SGK1: variants seen among roughly 807,000 people sequenced by gnomAD.
SGK1 encodes the protein serine/threonine-protein kinase Sgk1.
Under a neutral mutation model 64.2 loss-of-function variants are expected in SGK1, and 26 were observed. The observed-to-expected ratio is 0.40, with a 90% CI of 0.30 to 0.56. The LOEUF (loss-of-function observed/expected upper bound fraction) is 0.56, where lower values mean the gene tolerates loss of function less well. SGK1 is among the 20% of genes least tolerant of loss of function. The probability of loss-of-function intolerance (pLI) is 0.38; values close to 1 mark genes in which losing one functional copy is unlikely to be tolerated. For synonymous variants in SGK1, 265 were observed against 239.7 expected (o/e 1.11, Z -0.98); for missense variants, 519 against 645.6 (o/e 0.80, Z 2.12).
intron 1 of SGK1, among the ~76,000 whole-genome samples, chr6:134,286,607 C>G (rs1016640416): frequency 6.6e-6 from 1 of 151,214 alleles, no homozygotes; most frequent in Non-Finnish European, 1.5e-5. Flanking sequence ...GCTGGGACTA[C>G]AGGCTGGGAC....
In SGK1 at chr6:134,170,319, G is replaced by A. The variant is rs7755303; in HGVS notation, c.1530C>T (p.Ala510=). The change falls in exon 14 of 14, where the codon GCC becomes GCT. Residue 510 remains alanine (A), a synonymous_variant. Transcript: ENST00000367858. The part of the protein sequence containing the change: ...VLVTASVKEA[A]EAFLGFSYAP... Reference sequence around the variant, plus strand: ...CATAGGAAAAGCCTAGGAAAGCCTCGGCAGCTTCCTTGACGCTGGCTGTGA... The same window carrying A: ...CATAGGAAAAGCCTAGGAAAGCCTCAGCAGCTTCCTTGACGCTGGCTGTGA... The A allele has an allele frequency of 9.1e-4, 1,463 of 1,613,950 alleles. 12 individuals are homozygous for A. The African/African-American group carries it at 0.017, about 18-fold the overall frequency.
At chr6:134,211,119 T>C (rs1242464630) in intron 2 of SGK1, among the ~76,000 whole-genome samples, 2 of 148,492 alleles carry the variant, frequency 1.3e-5, no homozygotes, top group African/African-American at 5.1e-5. Context: ...GGAGACTCTG[T>C]CTCAAAAAAA....
chr6:134,290,892 T>C (rs1777254522), intron 1 of SGK1, among the ~76,000 whole-genome samples: 1 of 152,158 alleles, frequency 6.6e-6, no homozygotes, highest in Non-Finnish European at 1.5e-5. Flanking sequence ...CATCATTGTT[T>C]CTAGCACCTA....
intron 1 of SGK1, among the ~76,000 whole-genome samples, chr6:134,316,398 T>C (rs935313680): frequency 6.6e-6 from 1 of 151,978 alleles, no homozygotes; most frequent in Non-Finnish European, 1.5e-5. Flanking sequence ...TGCCCTAGGG[T>C]ATTAAATAGG....
In SGK1 at chr6:134,173,498, G is replaced by T; in HGVS notation, c.582C>A (p.His194Gln). 1 of 1,613,068 alleles carries T rather than the reference G, an allele frequency of 6.2e-7. No individual in the cohort carries two copies. Among genetic ancestry groups the T allele is most frequent in the Admixed American group, 1.7e-5 (1 of 59,888 alleles). ...TGCCCTTTCCGATCACTTTCAAGAA[G>T]TGAAAGTCAGATGGTTTAGCATGAG... Reference protein sequence around the residue: ...SNPHAKPSDFHFLKVIGKGSF... With the variant: ...SNPHAKPSDFQFLKVIGKGSF... Residue 194 changes from histidine (H) to glutamine (Q), a missense_variant, in exon 6 of 14, where the codon CAC becomes CAA. This residue lies in a region of SGK1 where 241 missense variants were observed against 236.9 expected (regional missense o/e 1.02). Coordinates refer to ENST00000367858, the MANE Select transcript of SGK1 (RefSeq NM_001143676.3).
At chr6:134,178,239 C>G (rs1056037917) in intron 3 of SGK1, among the ~76,000 whole-genome samples, 4 of 152,256 alleles carry the variant, frequency 2.6e-5, no homozygotes, top group South Asian at 2.1e-4. Flanking sequence ...CCCTAATGTT[C>G]AGCACTTGGA....
intron 1 of SGK1, among the ~76,000 whole-genome samples, chr6:134,286,185 G>C (rs1031207018): frequency 6.6e-6 from 1 of 152,202 alleles, no homozygotes. Flanking sequence ...GATTTGTTTA[G>C]AAGTTATATT....
intron 3 of SGK1, among the ~76,000 whole-genome samples, chr6:134,181,456 C>T (rs892785238): frequency 3.3e-5 from 5 of 152,022 alleles, no homozygotes; most frequent in East Asian, 1.9e-4. Context: ...GCAATTCTCC[C>T]GCCTCAGCCT....
chr6:134,172,588 A>C, intron 9 of SGK1, 74 bp downstream of exon 9: 1 of 994,756 alleles, frequency 1.0e-6, no homozygotes, highest in Non-Finnish European at 1.5e-6. Flanking sequence ...AAATTATTTT[A>C]AGGCCCTATG....
chr6:134,285,470 T>A (rs1165573531), intron 1 of SGK1, among the ~76,000 whole-genome samples: 3 of 131,056 alleles, frequency 2.3e-5, no homozygotes, highest in Non-Finnish European at 4.7e-5. Flanking sequence ...AGAGTGAGAC[T>A]CTGCCTCAAA....
rs554857623 is a variant in SGK1 at position 134,206,869 on chromosome 6, GA to G, written c.361+486del. 5.9e-3 allele frequency among the ~76,000 whole-genome samples: 485 copies of G among 81,946 alleles called. 6 individuals carry two copies. Among genetic ancestry groups the G allele is most frequent in the African/African-American group, 0.016 (386 of 23,740 alleles). The allele number at this position is 81,946 out of a possible 152,430, so 53.8% of individuals were successfully genotyped here. ...GCGACAGAGCAAGACTCCGTCTCCAGAAAAAAAAAAAAAACAAAAAAAAAAT... is the reference window on the plus strand; with the variant it reads ...GCGACAGAGCAAGACTCCGTCTCCAGAAAAAAAAAAAAACAAAAAAAAAAT... On this transcript the variant is annotated intron_variant, in intron 3 of 13. Transcript: ENST00000367858.
chr6:134,174,840 C>A (rs199789425), intron 3 of SGK1: 9 of 1,613,402 alleles, frequency 5.6e-6, no homozygotes, highest in Middle Eastern at 1.7e-4. Context: ...GACGTTAGCG[C>A]TCAAAGACCG....
At chr6:134,206,359 A>C (rs1169997196) in intron 3 of SGK1, among the ~76,000 whole-genome samples, 1 of 24,522 alleles carries the variant, frequency 4.1e-5, no homozygotes, top group Non-Finnish European at 9.4e-5. Flanking sequence ...ATATATATAT[A>C]TATATATATA....
Position 134,204,474 on chromosome 6 carries a change from A to G in SGK1, c.361+2882T>C, listed in dbSNP as rs981098439. The stretch of plus-strand genomic sequence containing the variant: ...GACAGAGCAAGACTCCATCTCAGGA[A>G]AAAAAAAAAAAAAAAAGAGTAAGTC... On this transcript the variant is annotated intron_variant, in intron 3 of 13. Coordinates refer to ENST00000367858, the MANE Select transcript of SGK1 (RefSeq NM_001143676.3). Among the ~76,000 whole-genome samples the G allele has an allele frequency of 2.3e-4, 5 of 21,966 alleles. No individual in the cohort carries two copies. The Non-Finnish European group carries it at 2.4e-3, about 11-fold the overall frequency. 14.4% of individuals were successfully genotyped at this position (21,966 alleles called of 152,430 possible). A position where few individuals can be genotyped will look rare whatever the true frequency, so the allele number is the denominator to read the frequency against.
intron 1 of SGK1, among the ~76,000 whole-genome samples, chr6:134,267,237 C>T (rs934128841): frequency 1.3e-5 from 2 of 150,444 alleles, no homozygotes; most frequent in South Asian, 4.2e-4. Context: ...TTTATATTTT[C>T]TTTTTCTTTT....
chr6:134,292,592 A>G (rs1213328772), intron 1 of SGK1, among the ~76,000 whole-genome samples: 2 of 152,104 alleles, frequency 1.3e-5, no homozygotes, highest in Non-Finnish European at 2.9e-5. Flanking sequence ...GACTGTCTCA[A>G]AAAAAAAGAA....
At chr6:134,174,821 A>G in intron 3 of SGK1, 1 of 1,613,914 alleles carries the variant, frequency 6.2e-7, no homozygotes, top group Non-Finnish European at 8.5e-7. Context: ...CACCGCGGGG[A>G]GACAGAAAGA....
At chr6:134,289,768 G>T (rs1316183535) in intron 1 of SGK1, among the ~76,000 whole-genome samples, 1 of 152,080 alleles carries the variant, frequency 6.6e-6, no homozygotes, top group African/African-American at 2.4e-5. Context: ...GACATACAGA[G>T]GCTGAGGCGA....
At chr6:134,208,194 G>C (rs1324091345) in intron 2 of SGK1, among the ~76,000 whole-genome samples, 1 of 152,132 alleles carries the variant, frequency 6.6e-6, no homozygotes, top group Non-Finnish European at 1.5e-5. Context: ...TTATAAGCGT[G>C]AACCACCGCA....
Sources: allele counts gnomAD v4.1 joint callset (sites outside exome capture counted in the v4.1 genomes callset), GRCh38; gene constraint gnomAD v4.1.1; regional missense constraint gnomAD v4.1.1; transcripts MANE v1.5; gene names NCBI Gene and HGNC (gene_info 2026-07-23, HGNC 2026-07-21).